Variants in TNKS observed in about 807,000 individuals in gnomAD.
TNKS encodes poly [ADP-ribose] polymerase tankyrase-1.
Under a neutral mutation model 135.8 loss-of-function variants are expected in TNKS, and 72 were observed. That is an observed-to-expected ratio of 0.53 (90% confidence interval 0.44 to 0.64). The LOEUF (loss-of-function observed/expected upper bound fraction) is 0.64. Among genes scored for constraint, TNKS ranks in the 30% least tolerant of loss-of-function variants. TNKS has a pLI of 0.00. For missense variants in TNKS, 1,769 were observed against 1,674.0 expected (o/e 1.06, Z -0.99); for synonymous variants, 849 against 649.3 (o/e 1.31, Z -4.68).
intron 2 of TNKS, among the ~76,000 whole-genome samples, chr8:9,605,429 C>T (rs934879544): frequency 6.6e-6 from 1 of 151,998 alleles, no homozygotes; most frequent in Non-Finnish European, 1.5e-5. Flanking sequence ...TATAAATAAA[C>T]ATATGATCAT....
Position 9,580,324 on chromosome 8 carries a change from A to G in TNKS, c.839A>G (p.Asn280Ser), listed in dbSNP as rs755454362. 2.4e-5 allele frequency: 38 copies of G among 1,614,076 alleles called. 1 individual carries two copies. The South Asian group carries it at 4.2e-4, about 18-fold the overall frequency. The change falls in exon 2 of 27, where the codon AAC (asparagine) becomes AGC (serine). Residue 280 changes from asparagine to serine, a missense_variant. Physicochemically the swap from Asn to Ser is conservative, Grantham distance 46 (BLOSUM62 1). Around this residue, in one of 5 missense-constraint regions of TNKS, gnomAD observed 523 missense variants for 541.0 expected, o/e 0.97. Coordinates refer to ENST00000310430, the MANE Select transcript of TNKS (RefSeq NM_003747.3). ...CQGADPNARD[N>S]WNYTPLHEAA... ...GGAGCTGATCCAAATGCCAGGGATAACTGGAACTATACACCTCTGCATGAA... is the reference window on the plus strand; with the variant it reads ...GGAGCTGATCCAAATGCCAGGGATAGCTGGAACTATACACCTCTGCATGAA...
At chr8:9,731,505 A>G (rs904556853) in intron 14 of TNKS, among the ~76,000 whole-genome samples, 6 of 151,796 alleles carry the variant, frequency 4.0e-5, no homozygotes, top group African/African-American at 1.5e-4. Flanking sequence ...TACAGTATAG[A>G]AATTGAAAAT....
chr8:9,662,786 A>T (rs138163016), intron 3 of TNKS, among the ~76,000 whole-genome samples: 4 of 152,218 alleles, frequency 2.6e-5, no homozygotes, highest in Non-Finnish European at 5.9e-5. Flanking sequence ...TTTTCATTCA[A>T]TGAAAGAGCA....
intron 3 of TNKS, among the ~76,000 whole-genome samples, chr8:9,625,999 G>C (rs546650355): frequency 1.3e-5 from 2 of 152,196 alleles, no homozygotes; most frequent in South Asian, 2.1e-4. Context: ...TTGTTGAGTA[G>C]TGAAGTTTCT....
intron 3 of TNKS, 54 bp downstream of exon 3, chr8:9,615,731 T>G: frequency 7.1e-7 from 1 of 1,410,508 alleles, no homozygotes; most frequent in Non-Finnish European, 9.7e-7. Context: ...CCTTACTTGA[T>G]TTTATAAAAT....
chr8:9,772,257 G>A (rs1387365546), intron 26 of TNKS: 2 of 381,476 alleles, frequency 5.2e-6, no homozygotes, highest in South Asian at 3.8e-5. Context: ...ACTTTCAAAG[G>A]GGGCTGGGGG....
intron 3 of TNKS, among the ~76,000 whole-genome samples, chr8:9,659,478 A>C (rs1377378076): frequency 6.6e-6 from 1 of 152,216 alleles, no homozygotes; most frequent in East Asian, 1.9e-4. Flanking sequence ...CCTGCTCCCT[A>C]ATGACTACTG....
chr8:9,703,223 G>A (rs991426075), intron 5 of TNKS, among the ~76,000 whole-genome samples: 1 of 152,094 alleles, frequency 6.6e-6, no homozygotes, highest in Non-Finnish European at 1.5e-5. Context: ...GGATATGCTG[G>A]AGGAAGGGAT....
intron 3 of TNKS, among the ~76,000 whole-genome samples, chr8:9,655,530 C>T (rs750034711): frequency 2.0e-5 from 3 of 152,202 alleles, no homozygotes; most frequent in Non-Finnish European, 4.4e-5. Flanking sequence ...GCTGGGTACT[C>T]CTCTGAGACA....
At chr8:9,691,968 A>T (rs796518150) in intron 5 of TNKS, among the ~76,000 whole-genome samples, 7 of 152,304 alleles carry the variant, frequency 4.6e-5, no homozygotes, top group African/African-American at 1.7e-4. Context: ...ATTTTACAGC[A>T]TCTCAGATAT....
chr8:9,761,770 T>C, intron 21 of TNKS, 134 bp downstream of exon 21: 1 of 903,980 alleles, frequency 1.1e-6, no homozygotes, highest in South Asian at 1.8e-5. Context: ...CCCTTCCCCA[T>C]CTCAGTTATT....
At position 9,664,028 on chromosome 8, in the gene TNKS, C is replaced by G. The variant is rs191898339; in HGVS notation, c.995-15923C>G. Among the ~76,000 whole-genome samples the G allele has an allele frequency of 4.0e-4, 61 of 152,252 alleles. No homozygotes were observed. The East Asian group carries it at 9.5e-3, about 24-fold the overall frequency. ...ATGATTGTTTCCTCTGGTACCAGCC[C>G]CTATCTGGAGACTATCCAGGAGCCC... On this transcript the variant is annotated intron_variant, in intron 3 of 26. Transcript: ENST00000310430.
intron 17 of TNKS, chr8:9,743,619 G>T (rs1006681758): frequency 6.6e-6 from 1 of 152,224 alleles, no homozygotes; most frequent in Non-Finnish European, 1.5e-5. Context: ...CGGGTGCAAT[G>T]GCTCATGCCT....
At position 9,780,215 on chromosome 8, in the gene TNKS, G is replaced by C. The variant is rs1448426075; in HGVS notation, c.*3479G>C. The C allele has an allele frequency of 1.3e-5, 2 of 148,258 alleles. No individual in the cohort carries two copies. Among genetic ancestry groups the C allele is most frequent in the Admixed American group, 1.4e-4 (2 of 14,488 alleles). The allele number at this position is 148,258 out of a possible 1,614,324, so 9.2% of individuals were successfully genotyped here. A position where few individuals can be genotyped will look rare whatever the true frequency, so the allele number is the denominator to read the frequency against. On this transcript the variant is annotated 3_prime_UTR_variant, in exon 27 of 27. Coordinates refer to ENST00000310430, the MANE Select transcript of TNKS (RefSeq NM_003747.3). ...GTCCCCACCCCCGCCTTTTTAACATGTGCACTATCTGGATTCCTGTAAATG... is the reference window on the plus strand; with the variant it reads ...GTCCCCACCCCCGCCTTTTTAACATCTGCACTATCTGGATTCCTGTAAATG...
chr8:9,663,460 G>T (rs1801830084), intron 3 of TNKS, among the ~76,000 whole-genome samples: 1 of 152,164 alleles, frequency 6.6e-6, no homozygotes, highest in African/African-American at 2.4e-5. Flanking sequence ...ACCAAAATTT[G>T]CAAGTTTTTC....
chr8:9,582,200 A>C (rs529204981), intron 2 of TNKS, among the ~76,000 whole-genome samples: 2 of 152,256 alleles, frequency 1.3e-5, no homozygotes, highest in South Asian at 4.1e-4. Flanking sequence ...AACCTGTAAT[A>C]GCTTATATAT....
intron 3 of TNKS, among the ~76,000 whole-genome samples, chr8:9,651,452 G>T (rs142612601): frequency 2.0e-5 from 3 of 152,158 alleles, no homozygotes; most frequent in East Asian, 3.8e-4. Context: ...TTCGCTTGTT[G>T]CCTCAAGGGA....
chr8:9,621,686 G>A (rs887312655), intron 3 of TNKS, among the ~76,000 whole-genome samples: 3 of 152,058 alleles, frequency 2.0e-5, no homozygotes, highest in African/African-American at 7.2e-5. Context: ...TGTAATACAT[G>A]TTTTACTGTC....
intron 2 of TNKS, among the ~76,000 whole-genome samples, chr8:9,598,901 A>C (rs1395827912): frequency 6.7e-6 from 1 of 148,830 alleles, no homozygotes; most frequent in Non-Finnish European, 1.5e-5. Context: ...AGAGAGAGGA[A>C]GTAGAGTTAG....
Sources: gnomAD v4.1 joint callset for allele counts (sites outside exome capture counted in the v4.1 genomes callset) on GRCh38, gnomAD v4.1.1 for gene constraint, gnomAD v4.1.1 regional missense constraint, MANE v1.5 for transcripts, NCBI Gene and HGNC (gene_info 2026-07-23, HGNC 2026-07-21) for gene names.